MMP16: variants seen among roughly 807,000 people sequenced by gnomAD.
MMP16 encodes matrix metallopeptidase 16.
MMP16 carries 12 observed loss-of-function variants against 67.8 expected under a neutral mutation model. The ratio of observed to expected loss-of-function variants is 0.18; its 90% confidence interval spans 0.11 to 0.29. MMP16 has a LOEUF of 0.29. MMP16 is among the 10% of genes least tolerant of loss of function. The probability of loss-of-function intolerance (pLI) is 1.00; values close to 1 mark genes in which losing one functional copy is unlikely to be tolerated. For synonymous variants in MMP16, 249 were observed against 255.9 expected, an observed-to-expected ratio of 0.97 and a Z score of 0.26; for missense variants, 475 against 765.7, an observed-to-expected ratio of 0.62 and a Z score of 4.48.
At chr8:88,264,886 A>G (rs1404829481) in intron 1 of MMP16, among the ~76,000 whole-genome samples, 2 of 152,262 alleles carry the variant, frequency 1.3e-5, no homozygotes, top group Non-Finnish European at 1.5e-5. Context: ...ACAAACATAT[A>G]TAGAAAACTA....
intron 1 of MMP16, among the ~76,000 whole-genome samples, chr8:88,303,934 G>A (rs780464557): frequency 1.3e-5 from 2 of 152,174 alleles, no homozygotes; most frequent in Non-Finnish European, 2.9e-5. Context: ...CGCAGAACTG[G>A]GCTGAGGCTG....
Position 88,056,229 on chromosome 8 carries a change from A to G in MMP16, c.1272T>C (p.Pro424=), listed in dbSNP as rs778232240. The change falls in exon 8 of 10, where the codon CCT becomes CCC. Residue 424 remains proline, a synonymous_variant. Coordinates refer to ENST00000286614, the MANE Select transcript of MMP16 (RefSeq NM_005941.5). The stretch of plus-strand genomic sequence containing the variant: ...CACTTCCAAGGGTTATCAAGTCATG[A>G]GGGTAACCAGGTTGAAGAGTTGTAT... ...FKDTTLQPGY[P]HDLITLGSGI... 6.3e-7 allele frequency: 1 copy of G among 1,599,404 alleles called. No individual in the cohort carries two copies. Among genetic ancestry groups the G allele is most frequent in the Admixed American group, 1.7e-5 (1 of 58,512 alleles).
In MMP16 at chr8:88,055,097, A is replaced by G. The variant is rs555069397; in HGVS notation, c.1373+1031T>C. 3.3e-5 allele frequency among the ~76,000 whole-genome samples: 5 copies of G among 152,248 alleles called. No individual in the cohort carries two copies. The South Asian group carries it at 1.0e-3, about 32-fold the overall frequency. On this transcript the variant is annotated intron_variant, in intron 8 of 9. Coordinates refer to ENST00000286614, the MANE Select transcript of MMP16 (RefSeq NM_005941.5). ...TTTATATTTTTAAATATTTATTTAA[A>G]TTAATACAAATATAGGCTTCAACTT...
intron 1 of MMP16, among the ~76,000 whole-genome samples, chr8:88,221,063 T>G (rs1228555409): frequency 1.3e-5 from 2 of 152,030 alleles, no homozygotes; most frequent in African/African-American, 4.8e-5. Context: ...ACCAGAAAGC[T>G]TCAGGACTTA....
chr8:88,294,428 AT>A (rs1411538996), intron 1 of MMP16, among the ~76,000 whole-genome samples: 6 of 150,532 alleles, frequency 4.0e-5, no homozygotes, highest in African/African-American at 1.5e-4. Context: ...ATATATACAC[AT>A]ATGTATATGT....
At chr8:88,054,525 C>CT (rs1033932885) in intron 8 of MMP16, among the ~76,000 whole-genome samples, 8 of 152,080 alleles carry the variant, frequency 5.3e-5, no homozygotes, top group African/African-American at 1.4e-4. Context: ...CTTTTTGGGG[C>CT]TTTAAGTAGC....
At chr8:88,184,580 A>AAAAAG (rs1278176113) in intron 3 of MMP16, among the ~76,000 whole-genome samples, 1 of 141,812 alleles carries the variant, frequency 7.1e-6, no homozygotes, top group Admixed American at 7.1e-5. Flanking sequence ...AAAAAAAAAA[A>AAAAAG]AAAAAAAAAA....
At chr8:88,211,761 C>T (rs1809516220) in intron 1 of MMP16, among the ~76,000 whole-genome samples, 1 of 152,118 alleles carries the variant, frequency 6.6e-6, no homozygotes, top group East Asian at 1.9e-4. Context: ...TTGACCTACC[C>T]TACTAAGTAT....
chr8:88,165,010 C>T (rs1808688147), intron 4 of MMP16, among the ~76,000 whole-genome samples: 1 of 151,570 alleles, frequency 6.6e-6, no homozygotes, highest in Non-Finnish European at 1.5e-5. Context: ...CATAAAATCT[C>T]CCTGTAGATT....
intron 1 of MMP16, among the ~76,000 whole-genome samples, chr8:88,301,263 C>G (rs906717484): frequency 5.3e-5 from 8 of 152,118 alleles, no homozygotes; most frequent in African/African-American, 1.9e-4. Flanking sequence ...CTCTCGTTCC[C>G]TCAATATACC....
At chr8:88,252,970 T>C (rs1194665404) in intron 1 of MMP16, among the ~76,000 whole-genome samples, 1 of 152,128 alleles carries the variant, frequency 6.6e-6, no homozygotes, top group African/African-American at 2.4e-5. Context: ...CTCTGGGAAC[T>C]AGTTCAGATA....
At position 88,311,439 on chromosome 8, in the gene MMP16, A is replaced by G. The variant is rs1452363252; in HGVS notation, c.132+15636T>C. Among the ~76,000 whole-genome samples, 4 of 152,184 alleles carry G rather than the reference A, an allele frequency of 2.6e-5. No individual in the cohort carries two copies. The South Asian group carries it at 6.2e-4, about 24-fold the overall frequency. Reference sequence around the variant, plus strand: ...TTTACCAGAGCCTTTGTGATTTATAACATCAGAAGTGTGAATGCATAAGGA... The same window carrying G: ...TTTACCAGAGCCTTTGTGATTTATAGCATCAGAAGTGTGAATGCATAAGGA... On this transcript the variant is annotated intron_variant, in intron 1 of 9. Coordinates refer to ENST00000286614, the MANE Select transcript of MMP16 (RefSeq NM_005941.5).
At chr8:88,236,901 A>C (rs1252743040) in intron 1 of MMP16, among the ~76,000 whole-genome samples, 1 of 152,180 alleles carries the variant, frequency 6.6e-6, no homozygotes, top group African/African-American at 2.4e-5. Flanking sequence ...CTCATGCTAC[A>C]TAGCACTTAA....
At chr8:88,255,682 A>G (rs1269331090) in intron 1 of MMP16, among the ~76,000 whole-genome samples, 1 of 152,176 alleles carries the variant, frequency 6.6e-6, no homozygotes, top group East Asian at 1.9e-4. Flanking sequence ...TTTCCATCTT[A>G]GTTAAAAACA....
At chr8:88,117,027 T>C (rs1809448931) in intron 5 of MMP16, among the ~76,000 whole-genome samples, 1 of 152,192 alleles carries the variant, frequency 6.6e-6, no homozygotes, top group South Asian at 2.1e-4. Flanking sequence ...AGATCTTTTT[T>C]GGAAGTAGGT....
intron 1 of MMP16, among the ~76,000 whole-genome samples, chr8:88,274,689 G>A (rs192533902): frequency 2.0e-5 from 3 of 151,998 alleles, no homozygotes; most frequent in Non-Finnish European, 4.4e-5. Flanking sequence ...TGTGTCTGTG[G>A]AAGGTAAATG....
intron 1 of MMP16, among the ~76,000 whole-genome samples, chr8:88,267,906 G>C (rs982695054): frequency 2.6e-5 from 4 of 152,146 alleles, no homozygotes; most frequent in Admixed American, 6.5e-5. Context: ...ACAGGAGTGT[G>C]AATGAAGTGG....
chr8:88,317,011 A>G (rs949440626), intron 1 of MMP16, among the ~76,000 whole-genome samples: 4 of 152,204 alleles, frequency 2.6e-5, no homozygotes, highest in Admixed American at 6.5e-5. Flanking sequence ...TAAAACTTTA[A>G]TGAATGAGGA....
chr8:88,309,000 CCAG>C (rs1811254630), intron 1 of MMP16, among the ~76,000 whole-genome samples: 1 of 151,824 alleles, frequency 6.6e-6, no homozygotes, highest in Non-Finnish European at 1.5e-5. Flanking sequence ...AATATTTTAC[CCAG>C]CAGATTAGGA....
Sources: gnomAD v4.1 joint callset for allele counts (sites outside exome capture counted in the v4.1 genomes callset) on GRCh38, gnomAD v4.1.1 for gene constraint, MANE v1.5 for transcripts, NCBI Gene and HGNC (gene_info 2026-07-23, HGNC 2026-07-21) for gene names.